MYO1B: variants seen among roughly 807,000 people sequenced by gnomAD.
The protein encoded by MYO1B is unconventional myosin-Ib.
MYO1B carries 72 observed loss-of-function variants against 159.7 expected under a neutral mutation model. The ratio of observed to expected loss-of-function variants is 0.45; its 90% CI spans 0.37 to 0.55. The LOEUF (loss-of-function observed/expected upper bound fraction) is 0.55, where lower values mean the gene tolerates loss of function less well. MYO1B is among the 20% of genes least tolerant of loss of function. MYO1B has a pLI of 0.00. For missense variants in MYO1B, 1,062 were observed against 1,364.8 expected (o/e 0.78, Z 3.50); for synonymous variants, 468 against 473.8 (o/e 0.99, Z 0.16).
At chr2:191,334,488 T>C (rs545271092) in intron 4 of MYO1B, among the ~76,000 whole-genome samples, 37 of 152,104 alleles carry the variant, frequency 2.4e-4, no homozygotes, top group African/African-American at 8.9e-4. Flanking sequence ...TAAAATGGAG[T>C]TCATTCTTCT....
At chr2:191,397,701 C>T (rs1435859885) in intron 21 of MYO1B, among the ~76,000 whole-genome samples, 3 of 145,698 alleles carry the variant, frequency 2.1e-5, no homozygotes, top group East Asian at 2.2e-4. Context: ...CCCAATGAGC[C>T]GCTGGGCACA....
At chr2:191,317,077 G>C (rs1690399776) in intron 3 of MYO1B, among the ~76,000 whole-genome samples, 1 of 152,158 alleles carries the variant, frequency 6.6e-6, no homozygotes, top group Non-Finnish European at 1.5e-5. Context: ...GAAGGGGACT[G>C]TGATAGGTAG....
intron 3 of MYO1B, among the ~76,000 whole-genome samples, chr2:191,305,261 A>G (rs941161279): frequency 6.6e-5 from 10 of 152,186 alleles, no homozygotes; most frequent in Non-Finnish European, 1.3e-4. Context: ...GGGCCAAAGG[A>G]GCCCTGTGGG....
intron 2 of MYO1B, among the ~76,000 whole-genome samples, chr2:191,290,726 C>G (rs1688641813): frequency 6.6e-6 from 1 of 152,062 alleles, no homozygotes; most frequent in Non-Finnish European, 1.5e-5. Context: ...TTTGCCTCTT[C>G]CAATATACAG....
At chr2:191,341,760 A>G (rs1295408002) in intron 5 of MYO1B, among the ~76,000 whole-genome samples, 195 bp downstream of exon 5, 1 of 152,220 alleles carries the variant, frequency 6.6e-6, no homozygotes, top group African/African-American at 2.4e-5. Flanking sequence ...ATAGTTTACT[A>G]ATGTAAAATG....
chr2:191,344,177 A>G (rs889397181), intron 5 of MYO1B, among the ~76,000 whole-genome samples: 2 of 152,186 alleles, frequency 1.3e-5, no homozygotes, highest in African/African-American at 2.4e-5. Context: ...GCAGCCCTGC[A>G]TGTTCACACC....
rs144772641 is a variant in MYO1B at position 191,336,615 on chromosome 2, T to G, written c.347-4846T>G. ...GCTGCGTCTCTCATTGCAGGGCCCATGCATTTAGTACTCTGGAACACTTCA... is the reference window on the plus strand; with the variant it reads ...GCTGCGTCTCTCATTGCAGGGCCCAGGCATTTAGTACTCTGGAACACTTCA... On this transcript the variant is annotated intron_variant, in intron 4 of 30. Coordinates refer to ENST00000392318, the MANE Select transcript of MYO1B (RefSeq NM_001130158.3). Among the ~76,000 whole-genome samples, 557 of 152,272 alleles carry G rather than the reference T, an allele frequency of 3.7e-3. 1 individual carries two copies. The highest frequency in any genetic ancestry group is 0.013 in the African/African-American group (537 of 41,566).
intron 4 of MYO1B, among the ~76,000 whole-genome samples, chr2:191,336,259 C>A (rs1691831572): frequency 6.6e-6 from 1 of 152,144 alleles, no homozygotes; most frequent in South Asian, 2.1e-4. Flanking sequence ...TCATTAAGAC[C>A]TTTGGTTCTA....
intron 20 of MYO1B, among the ~76,000 whole-genome samples, chr2:191,394,112 G>C (rs1440112840): frequency 2.0e-5 from 3 of 152,140 alleles, no homozygotes; most frequent in Non-Finnish European, 4.4e-5. Flanking sequence ...TTAAGCTAAA[G>C]AAAATCAGCT....
intron 5 of MYO1B, among the ~76,000 whole-genome samples, chr2:191,342,798 G>A (rs944478990): frequency 1.1e-4 from 17 of 152,122 alleles, no homozygotes; most frequent in African/African-American, 4.1e-4. Flanking sequence ...AGTGAGCCAA[G>A]GTCACACCAC....
Position 191,424,104 on chromosome 2 carries a change from A to G in MYO1B, c.*144A>G, listed in dbSNP as rs1698109243. 1.5e-5 allele frequency: 14 copies of G among 931,770 alleles called. No homozygotes were observed. The highest frequency in any genetic ancestry group is 2.2e-4 in the Middle Eastern group (1 of 4,474). 57.7% of individuals were successfully genotyped at this position (931,770 alleles called of 1,614,324 possible). On this transcript the variant is annotated 3_prime_UTR_variant, in exon 31 of 31. Transcript: ENST00000392318. ...CAAAATAAAAATATTTGACTAATCAATTTTTATTATTGGAATAGTTTTAAC... is the reference window on the plus strand; with the variant it reads ...CAAAATAAAAATATTTGACTAATCAGTTTTTATTATTGGAATAGTTTTAAC...
chr2:191,363,812 A>ATT lies in MYO1B; in HGVS notation c.851_852dup (p.Glu285LeufsTer9). 6.2e-7 allele frequency: 1 copy of ATT among 1,614,012 alleles called. No homozygotes were observed. Among genetic ancestry groups the ATT allele is most frequent in the Non-Finnish European group, 8.5e-7 (1 of 1,179,956 alleles). On this transcript the variant is annotated frameshift_variant, in exon 10 of 31. Transcript: ENST00000392318. LOFTEE classifies it high-confidence loss of function. ...GGCAGCAGTGTTGAAACTGGGGAAC[A>ATT]TTGAGTTCAAGCCCGAATCTCGAGT...
intron 1 of MYO1B, among the ~76,000 whole-genome samples, chr2:191,261,746 A>G (rs1448820459): frequency 6.6e-6 from 1 of 152,200 alleles, no homozygotes; most frequent in Non-Finnish European, 1.5e-5. Context: ...TTAGAACCTC[A>G]CTGTTCTTTA....
In MYO1B at chr2:191,341,551, A is replaced by G. The variant is rs769842537; in HGVS notation, c.437A>G (p.Asn146Ser). Residue 146 changes from asparagine to serine, a missense_variant, in exon 5 of 31, where the codon AAC (asparagine) becomes AGC (serine). By Grantham distance (46) the Asn-to-Ser change is conservative. Around this residue, in one of 5 missense-constraint regions of MYO1B, gnomAD observed 415 missense variants for 544.0 expected, o/e 0.76. Transcript: ENST00000392318. Reference protein sequence around the residue: ...NQVKEQLLQSNPVLEAFGNAK... With the variant: ...NQVKEQLLQSSPVLEAFGNAK... Reference sequence around the variant, plus strand: ...GTTAAAGAACAGCTTTTACAGTCCAACCCGGTCCTGGAAGGTAGGATGTGT... The same window carrying G: ...GTTAAAGAACAGCTTTTACAGTCCAGCCCGGTCCTGGAAGGTAGGATGTGT... 5.6e-6 allele frequency: 9 copies of G among 1,613,542 alleles called. No homozygotes were observed. The highest frequency in any genetic ancestry group is 3.3e-5 in the Admixed American group (2 of 59,968).
chr2:191,295,584 T>A (rs73058687), intron 2 of MYO1B, among the ~76,000 whole-genome samples: 1 of 152,170 alleles, frequency 6.6e-6, no homozygotes, highest in Non-Finnish European at 1.5e-5. Context: ...GCTCTGATAC[T>A]GAATTGAACG....
chr2:191,408,922 C>G (rs1697092238), intron 25 of MYO1B, 122 bp from the exon 26 acceptor site: 3 of 1,081,750 alleles, frequency 2.8e-6, no homozygotes, highest in Non-Finnish European at 3.9e-6. Context: ...AGTTACAGTT[C>G]TATAAATTCC....
chr2:191,352,995 C>T (rs371938911), intron 7 of MYO1B, among the ~76,000 whole-genome samples: 3 of 152,238 alleles, frequency 2.0e-5, no homozygotes, highest in East Asian at 3.9e-4. Context: ...AAACTCTTAA[C>T]CTTGAAAAAG....
At position 191,390,533 on chromosome 2, in the gene MYO1B, AGTG is replaced by A. The variant is rs148126637; in HGVS notation, c.1982+44_1982+46del. ...ACCATATTTAATAATGAATGTTTTA[AGTG>A]GTCAAATAATACGGTGTTTTTTCAC... On this transcript the variant is annotated intron_variant, in intron 18 of 30. Transcript: ENST00000392318. The A allele has an allele frequency of 8.2e-5, 129 of 1,580,512 alleles. No individual in the cohort carries two copies. The East Asian group carries it at 2.8e-3, about 35-fold the overall frequency.
intron 1 of MYO1B, among the ~76,000 whole-genome samples, chr2:191,249,794 T>A (rs190280402): frequency 1.8e-3 from 269 of 152,332 alleles, no homozygotes; most frequent in Middle Eastern, 6.8e-3. Context: ...TTCTGTGGTA[T>A]AGGTGAGAGT....
Sources: allele counts gnomAD v4.1 joint callset (sites outside exome capture counted in the v4.1 genomes callset), GRCh38; gene constraint gnomAD v4.1.1; regional missense constraint gnomAD v4.1.1; transcripts MANE v1.5; gene names NCBI Gene and HGNC (gene_info 2026-07-23, HGNC 2026-07-21).